NRXN1: variants seen among roughly 807,000 people sequenced by gnomAD.
The protein encoded by NRXN1 is neurexin-1.
NRXN1 carries 39 observed loss-of-function variants against 150.9 expected under a neutral mutation model. The observed-to-expected ratio is 0.26, with a 90% CI of 0.20 to 0.34. NRXN1 has a LOEUF of 0.34. Among genes scored for constraint, NRXN1 ranks in the 10% least tolerant of loss-of-function variants. The pLI is 1.00. For synonymous variants in NRXN1, 924 were observed against 757.0 expected (o/e 1.22, Z -3.62); for missense variants, 1,815 against 1,949.9 (o/e 0.93, Z 1.30).
intron 21 of NRXN1, among the ~76,000 whole-genome samples, chr2:49,991,427 A>G (rs1167265205): frequency 6.6e-6 from 1 of 152,162 alleles, no homozygotes; most frequent in African/African-American, 2.4e-5. Flanking sequence ...TTTCATATAT[A>G]CCAACAATGA....
chr2:50,195,490 T>C (rs1275678009), intron 18 of NRXN1, among the ~76,000 whole-genome samples: 1 of 152,222 alleles, frequency 6.6e-6, no homozygotes, highest in Non-Finnish European at 1.5e-5. Flanking sequence ...TATAACACTT[T>C]TTTCTTTTCC....
intron 21 of NRXN1, among the ~76,000 whole-genome samples, chr2:49,968,068 G>A (rs1040174884): frequency 2.0e-5 from 3 of 150,664 alleles, no homozygotes. Context: ...ATTCAAAATT[G>A]TTTCACCTAA....
At chr2:50,336,503 C>A (rs2077200912) in intron 17 of NRXN1, among the ~76,000 whole-genome samples, 1 of 152,172 alleles carries the variant, frequency 6.6e-6, no homozygotes, top group Non-Finnish European at 1.5e-5. Flanking sequence ...TTCTCTATAT[C>A]CTGCCTTCAG....
intron 18 of NRXN1, among the ~76,000 whole-genome samples, chr2:50,187,083 A>C (rs1239133960): frequency 6.6e-6 from 1 of 152,060 alleles, no homozygotes; most frequent in Admixed American, 6.6e-5. Flanking sequence ...TCATAAAGTC[A>C]ATGGCTGATT....
At chr2:50,427,893 A>G (rs1440137560) in intron 17 of NRXN1, among the ~76,000 whole-genome samples, 1 of 152,212 alleles carries the variant, frequency 6.6e-6, no homozygotes, top group African/African-American at 2.4e-5. Flanking sequence ...GAGAATCCTT[A>G]GATTTACCAC....
At chr2:50,974,170 G>A (rs1416189587) in intron 2 of NRXN1, among the ~76,000 whole-genome samples, 1 of 152,108 alleles carries the variant, frequency 6.6e-6, no homozygotes, top group Non-Finnish European at 1.5e-5. Context: ...TTTTTCTCAT[G>A]ATGTGAATAC....
intron 21 of NRXN1, among the ~76,000 whole-genome samples, chr2:50,044,037 A>G (rs534606698): frequency 2.0e-5 from 3 of 152,318 alleles, no homozygotes; most frequent in African/African-American, 7.2e-5. Flanking sequence ...ACTAAGGAAG[A>G]ACAAATGAGC....
At chr2:50,675,002 TG>T (rs1171772466) in intron 5 of NRXN1, among the ~76,000 whole-genome samples, 2 of 151,716 alleles carry the variant, frequency 1.3e-5, no homozygotes, top group Non-Finnish European at 2.9e-5. Flanking sequence ...AGAAATGGCT[TG>T]GTGTTGTTCT....
At chr2:50,423,501 C>T (rs991087407) in intron 17 of NRXN1, among the ~76,000 whole-genome samples, 8 of 151,884 alleles carry the variant, frequency 5.3e-5, no homozygotes, top group Admixed American at 6.6e-5. Flanking sequence ...AGAAGAAAAA[C>T]GACTAGAAAA....
Position 50,552,756 on chromosome 2 carries a change from G to A in NRXN1, c.1590C>T (p.Ala530=), listed in dbSNP as rs914205354. The change falls in exon 9 of 23, where the codon GCC becomes GCT. Residue 530 remains alanine, a synonymous_variant. Transcript: ENST00000401669. ...CCACCTTTATCATCTGTGGGTGCTT[G>A]GCATCTTTCTGATGTCTTGGCTTGC... ...SHGKPRHQKD[A]KHPQMIKVDF... 5 of 1,613,806 alleles carry A rather than the reference G, an allele frequency of 3.1e-6. No individual in the cohort carries two copies. In the Admixed American group the frequency reaches 6.7e-5, roughly 22 times the overall value.
chr2:50,885,113 T>G (rs1335027855), intron 5 of NRXN1, among the ~76,000 whole-genome samples: 1 of 151,602 alleles, frequency 6.6e-6, no homozygotes. Flanking sequence ...AGCCACATTC[T>G]GTAACTATAG....
chr2:50,212,669 G>C (rs1404451534), intron 18 of NRXN1, among the ~76,000 whole-genome samples: 1 of 151,800 alleles, frequency 6.6e-6, no homozygotes, highest in Middle Eastern at 3.2e-3. Flanking sequence ...GGCAGAGGAG[G>C]AGCATTCTTA....
intron 21 of NRXN1, among the ~76,000 whole-genome samples, chr2:49,978,642 A>T (rs1895127): frequency 2.7e-5 from 4 of 149,934 alleles, no homozygotes; most frequent in Non-Finnish European, 5.9e-5. Context: ...TAGAAATCTC[A>T]CAGAAAAACA....
At position 50,053,593 on chromosome 2, in the gene NRXN1, G is replaced by A. The variant is rs1481008739; in HGVS notation, c.3809-3C>T. On this transcript the variant is annotated splice_polypyrimidine_tract_variant and splice_region_variant and intron_variant, in intron 20 of 22. Transcript: ENST00000401669. ...ATTGAAGATTGTGAGCTGACGCCCT[G>A]TAAAAATAATATTACATACATGCAA... 6.2e-7 allele frequency: 1 copy of A among 1,613,680 alleles called. No homozygotes were observed. Among genetic ancestry groups the A allele is most frequent in the Non-Finnish European group, 8.5e-7 (1 of 1,179,768 alleles).
At chr2:50,522,062 G>C (rs1017143311) in intron 12 of NRXN1, among the ~76,000 whole-genome samples, 1 of 152,074 alleles carries the variant, frequency 6.6e-6, no homozygotes, top group Admixed American at 6.6e-5. Context: ...AGAAAAGGAG[G>C]GAGGAAGGCA....
intron 17 of NRXN1, among the ~76,000 whole-genome samples, chr2:50,281,805 G>C (rs530559968): frequency 6.6e-6 from 1 of 152,242 alleles, no homozygotes; most frequent in Admixed American, 6.5e-5. Flanking sequence ...AAGTTTCAGT[G>C]CTCAAGAACA....
chr2:50,213,294 T>C (rs748682083), intron 18 of NRXN1, among the ~76,000 whole-genome samples: 5 of 151,952 alleles, frequency 3.3e-5, no homozygotes, highest in Non-Finnish European at 7.4e-5. Flanking sequence ...TCCTCACTTA[T>C]ACAGTTTGCA....
chr2:50,742,884 G>A (rs1699598792), intron 5 of NRXN1, among the ~76,000 whole-genome samples: 1 of 152,206 alleles, frequency 6.6e-6, no homozygotes, highest in East Asian at 1.9e-4. Flanking sequence ...TAAAGGTGAG[G>A]AAAATTGATT....
At chr2:50,379,301 C>G (rs2080769688) in intron 17 of NRXN1, among the ~76,000 whole-genome samples, 2 of 152,062 alleles carry the variant, frequency 1.3e-5, no homozygotes, top group Non-Finnish European at 2.9e-5. Flanking sequence ...GTATCCCTGA[C>G]ACACATATAT....
Sources: allele counts gnomAD v4.1 joint callset (sites outside exome capture counted in the v4.1 genomes callset), GRCh38; gene constraint gnomAD v4.1.1; transcripts MANE v1.5; gene names NCBI Gene and HGNC (gene_info 2026-07-23, HGNC 2026-07-21).